The following FMR1NB variants were observed in gnomAD, a reference collection of about 807,000 sequenced individuals.
The protein encoded by FMR1NB is FMR1 neighbor.
Under a neutral mutation model 16.8 loss-of-function variants are expected in FMR1NB, and 10 were observed. The observed-to-expected ratio is 0.60, with a 90% confidence interval of 0.37 to 1.01. FMR1NB has a LOEUF of 1.01. Among genes scored for constraint, FMR1NB ranks in the 50% least tolerant of loss-of-function variants. The probability of loss-of-function intolerance (pLI) is 0.01; values close to 1 mark genes in which losing one functional copy is unlikely to be tolerated. For missense variants in FMR1NB, 205 were observed against 204.8 expected (o/e 1.00, Z 0.00); for synonymous variants, 83 against 79.1 (o/e 1.05, Z -0.26).
At chrX:147,995,693 C>G (rs1349407878) in intron 1 of FMR1NB, among the ~76,000 whole-genome samples, 1 of 112,735 alleles carries the variant, frequency 8.9e-6, no homozygotes, top group Non-Finnish European at 1.9e-5. Flanking sequence ...GCTGCATGGA[C>G]AGATCTCAGT....
intron 1 of FMR1NB, among the ~76,000 whole-genome samples, chrX:148,000,106 A>G (rs367791139): frequency 8.9e-6 from 1 of 111,846 alleles, no homozygotes; most frequent in Non-Finnish European, 1.9e-5. Context: ...TCTCATTAAA[A>G]TGAGAAAGAA....
chrX:147,997,516 C>T (rs1603076344), intron 1 of FMR1NB, among the ~76,000 whole-genome samples: 1 of 112,118 alleles, frequency 8.9e-6, no homozygotes, highest in East Asian at 2.8e-4. Context: ...TAGAAGAAAA[C>T]CTAGACAGTT....
chrX:148,003,637 G>A (rs921029849), intron 2 of FMR1NB, among the ~76,000 whole-genome samples: 16 of 112,189 alleles, frequency 1.4e-4, no homozygotes, highest in African/African-American at 5.2e-4. Context: ...TGCCTGAATG[G>A]CATTGCCTGA....
intron 1 of FMR1NB, among the ~76,000 whole-genome samples, chrX:147,982,165 C>G (rs940894146): frequency 5.4e-5 from 6 of 111,180 alleles, no homozygotes; most frequent in African/African-American, 2.0e-4. Flanking sequence ...TGGTGCACGC[C>G]TGTAATCCCA....
At chrX:148,002,762 A>G (rs1312403464) in intron 1 of FMR1NB, among the ~76,000 whole-genome samples, 2 of 112,366 alleles carry the variant, frequency 1.8e-5, no homozygotes, top group African/African-American at 6.5e-5. Context: ...TCTTTAAAAT[A>G]GTGAGAAAGA....
intron 1 of FMR1NB, among the ~76,000 whole-genome samples, chrX:147,999,886 A>G (rs192658304): frequency 8.9e-6 from 1 of 112,243 alleles, no homozygotes; most frequent in East Asian, 2.8e-4. Context: ...AATATGCACT[A>G]TTGGAATATA....
intron 2 of FMR1NB, among the ~76,000 whole-genome samples, chrX:148,004,414 C>T (rs1220721092): frequency 1.8e-5 from 2 of 112,133 alleles, no homozygotes; most frequent in Non-Finnish European, 3.8e-5. Context: ...AAATATTTCT[C>T]CAACCTGGTG....
intron 1 of FMR1NB, among the ~76,000 whole-genome samples, chrX:147,984,945 A>T (rs2044468725): frequency 8.9e-6 from 1 of 111,988 alleles, no homozygotes; most frequent in South Asian, 3.7e-4. Context: ...TTGAGATATG[A>T]AATTGTTTCC....
chrX:147,986,827 T>C (rs1208297624), intron 1 of FMR1NB, among the ~76,000 whole-genome samples: 1 of 111,805 alleles, frequency 8.9e-6, no homozygotes, highest in Non-Finnish European at 1.9e-5. Context: ...CCATATGAAA[T>C]TTAAAGTAGT....
intron 3 of FMR1NB, among the ~76,000 whole-genome samples, chrX:148,007,084 A>G (rs1557189197): frequency 9.1e-6 from 1 of 110,259 alleles, no homozygotes; most frequent in Non-Finnish European, 1.9e-5. Flanking sequence ...TGCTTTAGTC[A>G]CTCTCTGTGT....
chrX:148,018,589 G>A (rs1381457137), intron 4 of FMR1NB, among the ~76,000 whole-genome samples: 1 of 111,435 alleles, frequency 9.0e-6, no homozygotes, highest in African/African-American at 3.3e-5. Context: ...TTCCCTATTT[G>A]ATAAATGGTG....
chrX:148,024,113 C>T (rs549794912), intron 4 of FMR1NB, among the ~76,000 whole-genome samples: 6 of 112,002 alleles, frequency 5.4e-5, no homozygotes, highest in African/African-American at 1.3e-4. Flanking sequence ...CCATTATTCA[C>T]GAACACTGCA....
chrX:148,015,204 G>T (rs897435505), intron 4 of FMR1NB, among the ~76,000 whole-genome samples: 2 of 110,649 alleles, frequency 1.8e-5, no homozygotes, highest in Admixed American at 1.9e-4. Flanking sequence ...ACTTATTTGG[G>T]TATTCTCTCT....
chrX:147,994,635 TTTTCTA>T (rs1354173381), intron 1 of FMR1NB, among the ~76,000 whole-genome samples: 1 of 112,095 alleles, frequency 8.9e-6, no homozygotes, highest in African/African-American at 3.2e-5. Flanking sequence ...GAGTTCTTCA[TTTTCTA>T]TTTCTATTTT....
chrX:147,985,907 A>G (rs2044473850), intron 1 of FMR1NB, among the ~76,000 whole-genome samples: 1 of 111,852 alleles, frequency 8.9e-6, no homozygotes, highest in African/African-American at 3.3e-5. Context: ...GTCTTCCACA[A>G]TGGTTGAACT....
At chrX:147,994,464 T>C (rs1214777094) in intron 1 of FMR1NB, among the ~76,000 whole-genome samples, 1 of 112,744 alleles carries the variant, frequency 8.9e-6, no homozygotes, top group Non-Finnish European at 1.9e-5. Flanking sequence ...AATCATAATA[T>C]TACTACAAAT....
At chrX:147,983,643 A>AT (rs2044462249) in intron 1 of FMR1NB, among the ~76,000 whole-genome samples, 1 of 112,223 alleles carries the variant, frequency 8.9e-6, no homozygotes, top group Non-Finnish European at 1.9e-5. Flanking sequence ...TCCTTATCAG[A>AT]TACCTGATTT....
At chrX:148,008,564 A>G in intron 3 of FMR1NB, 54 bp from the exon 4 acceptor site, 1 of 1,106,443 alleles carries the variant, frequency 9.0e-7, no homozygotes, top group Admixed American at 2.4e-5. Flanking sequence ...AAGAACTTGG[A>G]TTTACTTCTC....
At chrX:147,998,868 G>C (rs1167200627) in intron 1 of FMR1NB, among the ~76,000 whole-genome samples, 3 of 112,159 alleles carry the variant, frequency 2.7e-5, no homozygotes, top group African/African-American at 9.7e-5. Flanking sequence ...CAAAGGTGGA[G>C]GGCAGGGTAA....
Sources: gnomAD v4.1 joint callset for allele counts (sites outside exome capture counted in the v4.1 genomes callset) on GRCh38, gnomAD v4.1.1 for gene constraint, MANE v1.5 for transcripts, NCBI Gene and HGNC (gene_info 2026-07-23, HGNC 2026-07-21) for gene names.